The following NLGN1 variants were observed in gnomAD, a reference collection of about 807,000 sequenced individuals.
The protein encoded by NLGN1 is neuroligin-1.
NLGN1 carries 12 observed loss-of-function variants against 65.5 expected under a neutral mutation model. That is an observed-to-expected ratio of 0.18 (90% CI 0.12 to 0.30). The LOEUF (loss-of-function observed/expected upper bound fraction) is 0.30. Among genes scored for constraint, NLGN1 ranks in the 10% least tolerant of loss-of-function variants. The pLI, the probability that NLGN1 is intolerant of heterozygous loss-of-function variation, is 1.00. For missense variants in NLGN1, 750 were observed against 1,007.1 expected (o/e 0.74, Z 3.46); for synonymous variants, 350 against 359.5 (o/e 0.97, Z 0.30).
At chr3:173,668,619 CTT>C (rs34649854) in intron 3 of NLGN1, among the ~76,000 whole-genome samples, 19,149 of 132,566 alleles carry the variant, frequency 0.14, 1,341 homozygotes, top group Middle Eastern at 0.32. Flanking sequence ...CTTTTCTTTT[CTT>C]TTTTTTTTTT....
chr3:174,272,132 T>C (rs1466836992), intron 4 of NLGN1, among the ~76,000 whole-genome samples: 1 of 151,712 alleles, frequency 6.6e-6, no homozygotes, highest in East Asian at 1.9e-4. Context: ...CTGTTAAGAA[T>C]GATTTAAGTG....
chr3:173,532,091 A>G (rs913486400), intron 2 of NLGN1, among the ~76,000 whole-genome samples: 4 of 152,192 alleles, frequency 2.6e-5, no homozygotes, highest in Admixed American at 6.5e-5. Context: ...CGCCAAAGCT[A>G]TACTTCCAAA....
At chr3:173,864,448 A>T (rs563203482) in intron 4 of NLGN1, among the ~76,000 whole-genome samples, 2 of 152,290 alleles carry the variant, frequency 1.3e-5, no homozygotes, top group African/African-American at 4.8e-5. Flanking sequence ...TTTTTACCAA[A>T]ATTATTACAC....
At chr3:173,875,218 A>G (rs1449715586) in intron 4 of NLGN1, among the ~76,000 whole-genome samples, 1 of 152,200 alleles carries the variant, frequency 6.6e-6, no homozygotes, top group Non-Finnish European at 1.5e-5. Flanking sequence ...TTGGTGAGTC[A>G]GTATAAAAAC....
chr3:174,115,650 G>C (rs1200042490), intron 4 of NLGN1, among the ~76,000 whole-genome samples: 1 of 152,194 alleles, frequency 6.6e-6, no homozygotes, highest in Non-Finnish European at 1.5e-5. Context: ...TGACAAGGGA[G>C]AGCGTGTTAG....
At chr3:174,222,059 T>TG (rs1253558870) in intron 4 of NLGN1, among the ~76,000 whole-genome samples, 4 of 152,152 alleles carry the variant, frequency 2.6e-5, no homozygotes, top group Admixed American at 2.0e-4. Flanking sequence ...ATATAAATTT[T>TG]GGGGGGAATC....
intron 4 of NLGN1, among the ~76,000 whole-genome samples, chr3:174,060,442 C>T (rs1737147931): frequency 6.6e-6 from 1 of 152,022 alleles, no homozygotes; most frequent in East Asian, 1.9e-4. Flanking sequence ...ACATATGCCC[C>T]CCTTTACCCT....
At chr3:173,868,349 A>G (rs1221895797) in intron 4 of NLGN1, among the ~76,000 whole-genome samples, 2 of 152,180 alleles carry the variant, frequency 1.3e-5, no homozygotes, top group Admixed American at 6.5e-5. Flanking sequence ...AATTATGACT[A>G]TATCGATATA....
At position 173,626,148 on chromosome 3, in the gene NLGN1, C is replaced by T. The variant is rs188410246; in HGVS notation, c.493+21057C>T. ...CGTCTAGCTCCATGTAGCTATCAAG[C>T]GCTTGAAACATGGCTAATGTGACTG... On this transcript the variant is annotated intron_variant, in intron 3 of 6. Coordinates refer to ENST00000457714, the Ensembl canonical transcript of NLGN1. Among the ~76,000 whole-genome samples, 3 of 151,990 alleles carry T rather than the reference C, an allele frequency of 2.0e-5. No individual in the cohort carries two copies. The East Asian group carries it at 5.8e-4, about 30-fold the overall frequency.
intron 4 of NLGN1, among the ~76,000 whole-genome samples, chr3:173,896,238 G>T (rs1186713127): frequency 7.1e-6 from 1 of 141,800 alleles, no homozygotes; most frequent in African/African-American, 2.9e-5. Context: ...TTCTTAATCT[G>T]TTTCCAGTTT....
chr3:173,965,166 A>C (rs1714545963), intron 4 of NLGN1, among the ~76,000 whole-genome samples: 1 of 152,140 alleles, frequency 6.6e-6, no homozygotes, highest in South Asian at 2.1e-4. Flanking sequence ...ATGCAGAGTT[A>C]AAGATCTAAA....
intron 4 of NLGN1, among the ~76,000 whole-genome samples, chr3:174,074,744 A>G (rs1740559077): frequency 1.3e-5 from 2 of 152,170 alleles, no homozygotes; most frequent in Admixed American, 1.3e-4. Context: ...GTTGTGGATG[A>G]TTCTTAGCGT....
chr3:173,881,823 AT>A (rs1293647141), intron 4 of NLGN1, among the ~76,000 whole-genome samples: 1 of 152,132 alleles, frequency 6.6e-6, no homozygotes, highest in Non-Finnish European at 1.5e-5. Flanking sequence ...TTCTGTTAAT[AT>A]TGATGTTTTG....
intron 4 of NLGN1, among the ~76,000 whole-genome samples, chr3:174,129,354 A>ACAC (rs1719663042): frequency 1.7e-5 from 2 of 116,842 alleles, no homozygotes; most frequent in South Asian, 3.7e-4. Flanking sequence ...CCCGGTTTAC[A>ACAC]ACACACACAC....
intron 4 of NLGN1, among the ~76,000 whole-genome samples, chr3:173,841,950 A>G (rs540630455): frequency 4.6e-5 from 7 of 152,304 alleles, no homozygotes; most frequent in Non-Finnish European, 5.9e-5. Context: ...AGCAGCCTGT[A>G]TTAGTCCATT....
chr3:173,412,402 G>T (rs1712770120), intron 1 of NLGN1, among the ~76,000 whole-genome samples: 1 of 151,936 alleles, frequency 6.6e-6, no homozygotes, highest in Non-Finnish European at 1.5e-5. Context: ...CCAGGATTTT[G>T]TAAGGACATC....
intron 1 of NLGN1, among the ~76,000 whole-genome samples, chr3:173,406,355 G>T (rs111939440): frequency 2.0e-5 from 3 of 151,316 alleles, no homozygotes; most frequent in Admixed American, 2.0e-4. Flanking sequence ...TCAGTAAGAA[G>T]CAAGAGAAAA....
chr3:173,771,626 C>T (rs556846626), intron 3 of NLGN1, among the ~76,000 whole-genome samples: 7 of 25,372 alleles, frequency 2.8e-4, no homozygotes, highest in Non-Finnish European at 7.0e-4. Flanking sequence ...GGCTAGTAAA[C>T]GCAGAAAATT....
intron 4 of NLGN1, among the ~76,000 whole-genome samples, chr3:174,039,852 T>G (rs1473851473): frequency 6.6e-6 from 1 of 152,142 alleles, no homozygotes; most frequent in Non-Finnish European, 1.5e-5. Flanking sequence ...GTAACAATTT[T>G]CTGCCTAAGA....
Sources: allele counts gnomAD v4.1 joint callset (sites outside exome capture counted in the v4.1 genomes callset), GRCh38; gene constraint gnomAD v4.1.1; transcripts MANE v1.5; gene names NCBI Gene and HGNC (gene_info 2026-07-23, HGNC 2026-07-21).